The following FSD1L variants were observed in gnomAD, a reference collection of about 807,000 sequenced individuals.
FSD1L encodes FSD1-like protein.
FSD1L carries 45 observed loss-of-function variants against 71.6 expected under a neutral mutation model. The ratio of observed to expected loss-of-function variants is 0.63; its 90% CI spans 0.49 to 0.81. FSD1L has a LOEUF of 0.81. FSD1L is among the 30% of genes least tolerant of loss of function. The probability of loss-of-function intolerance (pLI) is 0.00; values close to 1 mark genes in which losing one functional copy is unlikely to be tolerated. For synonymous variants in FSD1L, 197 were observed against 207.2 expected, an observed-to-expected ratio of 0.95 and a Z score of 0.42; for missense variants, 561 against 618.1, an observed-to-expected ratio of 0.91 and a Z score of 0.98.
At position 105,524,987 on chromosome 9, in the gene FSD1L, A is replaced by G. The variant is rs1158892437; in HGVS notation, c.1026-9506A>G. 3.1e-6 allele frequency: 5 copies of G among 1,603,448 alleles called. No homozygotes were observed. The Admixed American group carries it at 8.6e-5, about 28-fold the overall frequency. On this transcript the variant is annotated intron_variant, in intron 10 of 13. Transcript: ENST00000481272. ...TATCCAGATCAGATCAGAAGAGAAT[A>G]TGCCTGGAGGAGGTTTATCTGCTGG...
intron 10 of FSD1L, chr9:105,524,763 A>G (rs1195909552): frequency 5.0e-6 from 8 of 1,609,242 alleles, no homozygotes; most frequent in Non-Finnish European, 5.1e-6. Context: ...ATTAATCTCT[A>G]TAGCAGCCCG....
chr9:105,537,805 A>G (rs1836362948), intron 12 of FSD1L, among the ~76,000 whole-genome samples: 1 of 152,168 alleles, frequency 6.6e-6, no homozygotes. Flanking sequence ...CTTGTTAGCT[A>G]TTAAGCCCTT....
chr9:105,464,925 A>G (rs1830958176), intron 3 of FSD1L, among the ~76,000 whole-genome samples: 1 of 152,208 alleles, frequency 6.6e-6, no homozygotes, highest in African/African-American at 2.4e-5. Context: ...GGCTGCAGTG[A>G]GCATTGATTG....
At chr9:105,462,177 A>G (rs1178931515) in intron 2 of FSD1L, among the ~76,000 whole-genome samples, 1 of 149,778 alleles carries the variant, frequency 6.7e-6, no homozygotes, top group Non-Finnish European at 1.5e-5. Flanking sequence ...TTTGGTACCA[A>G]TGTTTTATAA....
In FSD1L at chr9:105,534,545, G is replaced by T. The variant is rs1836141055; in HGVS notation, c.1078G>T (p.Val360Leu). 1 of 1,551,132 alleles carries T rather than the reference G, an allele frequency of 6.4e-7. No individual in the cohort carries two copies. The highest frequency in any genetic ancestry group is 8.7e-7 in the Non-Finnish European group (1 of 1,146,320). ...ATCTGTAGGCTCCAGGCCACCAGCAGTAAGAGGCAGTAGAGATCGTTTTAC... is the reference window on the plus strand; with the variant it reads ...ATCTGTAGGCTCCAGGCCACCAGCATTAAGAGGCAGTAGAGATCGTTTTAC... ...RTSVGSRPPA[V>L]RGSRDRFTGE... Residue 360 changes from valine to leucine, a missense_variant, in exon 11 of 14, where the codon GTA (valine) becomes TTA (leucine). Transcript: ENST00000481272.
intron 2 of FSD1L, 39 bp from the exon 3 acceptor site, chr9:105,464,197 C>T (rs1188944401): frequency 3.9e-6 from 4 of 1,029,944 alleles, no homozygotes; most frequent in Non-Finnish European, 5.8e-6. Context: ...GTAACTCTTC[C>T]ATTGAAATAT....
At chr9:105,520,792 T>C in intron 10 of FSD1L, 1 of 1,612,508 alleles carries the variant, frequency 6.2e-7, no homozygotes, top group Non-Finnish European at 8.5e-7. Flanking sequence ...CCACTCAACC[T>C]TTAAGAAACT....
chr9:105,457,737 G>A (rs1321275595), intron 1 of FSD1L, among the ~76,000 whole-genome samples: 2 of 152,214 alleles, frequency 1.3e-5, no homozygotes, highest in South Asian at 2.1e-4. Flanking sequence ...CACACCTGCC[G>A]AGGGCGAGCC....
chr9:105,449,326 C>T (rs942099732), intron 1 of FSD1L, among the ~76,000 whole-genome samples: 1 of 152,146 alleles, frequency 6.6e-6, no homozygotes, highest in Non-Finnish European at 1.5e-5. Flanking sequence ...TGAAACTCAC[C>T]TTGGAATGCA....
At chr9:105,450,432 T>G (rs1421320845) in intron 1 of FSD1L, among the ~76,000 whole-genome samples, 1 of 152,184 alleles carries the variant, frequency 6.6e-6, no homozygotes, top group African/African-American at 2.4e-5. Context: ...ATTTATAAGC[T>G]GTATGAGCTG....
At chr9:105,510,395 T>G (rs903727952) in intron 9 of FSD1L, among the ~76,000 whole-genome samples, 16 of 152,198 alleles carry the variant, frequency 1.1e-4, no homozygotes, top group Admixed American at 3.3e-4. Context: ...GGGCTACTAA[T>G]GAGAGTAAGA....
At chr9:105,491,301 T>C (rs1832920229) in intron 7 of FSD1L, among the ~76,000 whole-genome samples, 2 of 151,118 alleles carry the variant, frequency 1.3e-5, no homozygotes, top group Non-Finnish European at 2.9e-5. Flanking sequence ...GATTTGGCTC[T>C]CTGTTGTTGG....
intron 4 of FSD1L, among the ~76,000 whole-genome samples, chr9:105,468,529 G>T (rs1447989979): frequency 6.7e-6 from 1 of 150,262 alleles, no homozygotes; most frequent in East Asian, 1.9e-4. Context: ...TTTTGAGACG[G>T]AGTCTCACTC....
chr9:105,472,190 T>C (rs1831521725), intron 5 of FSD1L, 185 bp downstream of exon 5: 11 of 630,104 alleles, frequency 1.7e-5, no homozygotes, highest in Non-Finnish European at 2.6e-5. Flanking sequence ...GTGTGTGTCT[T>C]TAGGGTCATC....
chr9:105,524,461 C>T, intron 10 of FSD1L: 1 of 1,613,424 alleles, frequency 6.2e-7, no homozygotes, highest in Non-Finnish European at 8.5e-7. Flanking sequence ...ATGGCCTTAC[C>T]TCTAAAGACA....
intron 7 of FSD1L, among the ~76,000 whole-genome samples, 186 bp downstream of exon 7, chr9:105,484,688 T>A (rs1320949963): frequency 6.6e-6 from 1 of 152,092 alleles, no homozygotes; most frequent in Non-Finnish European, 1.5e-5. Context: ...TAGTAAAAAT[T>A]GCATTTTCAG....
chr9:105,447,354 A>C (rs1018667983), upstream of FSD1L, among the ~76,000 whole-genome samples: 1 of 150,366 alleles, frequency 6.7e-6, no homozygotes, highest in Non-Finnish European at 1.5e-5. Context: ...AAAAAAGAGA[A>C]TGACTATAAT....
intron 7 of FSD1L, among the ~76,000 whole-genome samples, chr9:105,485,533 G>GT (rs34268568): frequency 0.23 from 18,250 of 79,954 alleles, 2,086 homozygotes; most frequent in Non-Finnish European, 0.29. Context: ...TTGGTTAGGT[G>GT]TTTTTTTTTT....
At chr9:105,494,308 C>T (rs925317935) in intron 7 of FSD1L, among the ~76,000 whole-genome samples, 3 of 152,052 alleles carry the variant, frequency 2.0e-5, no homozygotes, top group Admixed American at 2.0e-4. Flanking sequence ...CCTGAGGCTT[C>T]TGCATTCTTC....
Sources: allele counts gnomAD v4.1 joint callset (sites outside exome capture counted in the v4.1 genomes callset), GRCh38; gene constraint gnomAD v4.1.1; transcripts MANE v1.5; gene names NCBI Gene and HGNC (gene_info 2026-07-23, HGNC 2026-07-21).